Variants in RPH3A observed in about 807,000 individuals in gnomAD.
RPH3A encodes rabphilin 3A.
Under a neutral mutation model 102.2 loss-of-function variants are expected in RPH3A, and 48 were observed. That is an observed-to-expected ratio of 0.47 (90% CI 0.37 to 0.60). The LOEUF is 0.60. RPH3A is among the 20% of genes least tolerant of loss of function. The pLI is 0.00. For synonymous variants in RPH3A, 310 were observed against 324.3 expected (o/e 0.96, Z 0.47); for missense variants, 781 against 910.1 (o/e 0.86, Z 1.83).
intron 1 of RPH3A, among the ~76,000 whole-genome samples, chr12:112,606,571 G>A (rs1327649315): frequency 6.6e-6 from 1 of 152,036 alleles, no homozygotes; most frequent in African/African-American, 2.4e-5. Context: ...AGTGGAGATG[G>A]GATTTCACCA....
chr12:112,656,623 C>T (rs188140986), intron 1 of RPH3A, among the ~76,000 whole-genome samples: 13 of 152,240 alleles, frequency 8.5e-5, no homozygotes, highest in Non-Finnish European at 1.5e-5. Context: ...CTCTATATGT[C>T]CATTTGTACT....
intron 1 of RPH3A, among the ~76,000 whole-genome samples, chr12:112,706,087 C>G (rs1418658071): frequency 6.6e-6 from 1 of 152,174 alleles, no homozygotes; most frequent in African/African-American, 2.4e-5. Flanking sequence ...GATAAAATGA[C>G]AAAAGATACC....
At chr12:112,707,009 A>G (rs2040431297) in intron 1 of RPH3A, among the ~76,000 whole-genome samples, 1 of 152,172 alleles carries the variant, frequency 6.6e-6, no homozygotes, top group African/African-American at 2.4e-5. Flanking sequence ...GATTCTCTGC[A>G]AGGGCTTTGT....
chr12:112,880,941 C>T (rs1640096404), intron 14 of RPH3A, among the ~76,000 whole-genome samples: 1 of 152,100 alleles, frequency 6.6e-6, no homozygotes, highest in Non-Finnish European at 1.5e-5. Context: ...TCCTCATGGT[C>T]TTCATGTTGA....
At chr12:112,800,535 A>C (rs958188790) in intron 2 of RPH3A, among the ~76,000 whole-genome samples, 2 of 152,084 alleles carry the variant, frequency 1.3e-5, no homozygotes, top group African/African-American at 4.8e-5. Flanking sequence ...GACCTAATTT[A>C]CAATGTTAGT....
chr12:112,881,651 G>A lies in RPH3A; in HGVS notation c.1252-121G>A, dbSNP rs560441294. On this transcript the variant is annotated intron_variant, in intron 14 of 21. Transcript: ENST00000389385. ...GCATTTCCCTTCTCTCTCTTTGGAG[G>A]AGGAAGCACACAGCGTGGACCAACA... The A allele has an allele frequency of 8.4e-6, 5 of 594,166 alleles. No homozygotes were observed. The East Asian group carries it at 8.5e-5, about 10-fold the overall frequency. 36.8% of individuals were successfully genotyped at this position (594,166 alleles called of 1,614,324 possible). A position where few individuals can be genotyped will look rare whatever the true frequency, so the allele number is the denominator to read the frequency against.
chr12:112,862,535 AG>A (rs750170059), intron 5 of RPH3A, among the ~76,000 whole-genome samples: 30 of 152,298 alleles, frequency 2.0e-4, no homozygotes, highest in Non-Finnish European at 3.8e-4. Flanking sequence ...ATGGACTGGG[AG>A]CTTGTTCCTG....
intron 1 of RPH3A, among the ~76,000 whole-genome samples, chr12:112,695,515 T>TA (rs2040343848): frequency 1.3e-5 from 2 of 152,206 alleles, no homozygotes; most frequent in Non-Finnish European, 2.9e-5. Context: ...CGATTTTGAG[T>TA]GAAAGGAACA....
In RPH3A at chr12:112,644,307, T is replaced by C. The variant is rs547154570; in HGVS notation, c.-140+68988T>C. Among the ~76,000 whole-genome samples, 4 of 152,302 alleles carry C rather than the reference T, an allele frequency of 2.6e-5. No individual in the cohort carries two copies. In the South Asian group the frequency reaches 8.3e-4, roughly 32 times the overall value. ...CTAAATCTATAAATAAAATGAAAGATATTGTTCAGATTGAGCCTGTTTGCA... is the reference window on the plus strand; with the variant it reads ...CTAAATCTATAAATAAAATGAAAGACATTGTTCAGATTGAGCCTGTTTGCA... On this transcript the variant is annotated intron_variant, in intron 1 of 21. Transcript: ENST00000543106.
At chr12:112,874,947 G>T in intron 10 of RPH3A, 137 bp from the exon 11 acceptor site, 1 of 629,104 alleles carries the variant, frequency 1.6e-6, no homozygotes, top group South Asian at 2.0e-5. Flanking sequence ...GAGTCAGAAA[G>T]AGCTGAGCGA....
intron 5 of RPH3A, among the ~76,000 whole-genome samples, chr12:112,864,603 GA>G (rs2042576704): frequency 1.3e-5 from 2 of 152,196 alleles, no homozygotes; most frequent in Non-Finnish European, 2.9e-5. Context: ...AACTGAAACT[GA>G]AAGATCAGTG....
At chr12:112,694,744 TTAGA>T (rs1179258681) in intron 1 of RPH3A, among the ~76,000 whole-genome samples, 2 of 152,208 alleles carry the variant, frequency 1.3e-5, no homozygotes, top group Non-Finnish European at 2.9e-5. Flanking sequence ...TGAAGCTCTC[TTAGA>T]TAATTACTTT....
chr12:112,725,078 G>A (rs1238167969), intron 1 of RPH3A, among the ~76,000 whole-genome samples: 8 of 151,494 alleles, frequency 5.3e-5, no homozygotes, highest in African/African-American at 1.5e-4. Context: ...GTGAAACCCC[G>A]TCTCTACTAA....
At chr12:112,878,274 G>A (rs997987620) in intron 13 of RPH3A, among the ~76,000 whole-genome samples, 10 of 152,010 alleles carry the variant, frequency 6.6e-5, no homozygotes, top group East Asian at 3.8e-4. Flanking sequence ...TCCTTCCATC[G>A]GCCTTAAATG....
rs1328130431 is a variant in RPH3A, at chr12:112,881,692, A to G, written c.1252-80A>G. ...TGGACCAACAGGCAGGACAGATGCCAGGGGCTATGCCCATTGCCGATGACA... is the reference window on the plus strand; with the variant it reads ...TGGACCAACAGGCAGGACAGATGCCGGGGGCTATGCCCATTGCCGATGACA... On this transcript the variant is annotated intron_variant, in intron 14 of 21. Coordinates refer to ENST00000389385, the MANE Select transcript of RPH3A (RefSeq NM_001143854.2). 9.3e-6 allele frequency: 9 copies of G among 968,034 alleles called. No homozygotes were observed. In the East Asian group the frequency reaches 2.3e-4, roughly 25 times the overall value. The allele number at this position is 968,034 out of a possible 1,614,324, so 60.0% of individuals were successfully genotyped here. A position where few individuals can be genotyped will look rare whatever the true frequency, so the allele number is the denominator to read the frequency against.
chr12:112,881,901 C>G (rs953294728), intron 15 of RPH3A, 55 bp downstream of exon 15: 31 of 1,430,766 alleles, frequency 2.2e-5, no homozygotes, highest in Non-Finnish European at 2.9e-6. Context: ...CTGGCAGATA[C>G]CCAGGGTTCT....
intron 14 of RPH3A, 120 bp downstream of exon 14, chr12:112,879,318 C>G: frequency 2.3e-6 from 2 of 860,204 alleles, no homozygotes; most frequent in Non-Finnish European, 3.6e-6. Context: ...ATGATAGTGA[C>G]GGTGATGAGA....
At chr12:112,627,318 T>G (rs906126574) in intron 1 of RPH3A, among the ~76,000 whole-genome samples, 1 of 149,980 alleles carries the variant, frequency 6.7e-6, no homozygotes, top group Non-Finnish European at 1.5e-5. Flanking sequence ...TTTTATGTAA[T>G]ATATAGTATT....
At chr12:112,652,850 G>A (rs1254129964) in intron 1 of RPH3A, among the ~76,000 whole-genome samples, 3 of 152,194 alleles carry the variant, frequency 2.0e-5, no homozygotes, top group Non-Finnish European at 4.4e-5. Flanking sequence ...TGATGGAGAT[G>A]TGCTCTGAGA....
Sources: allele counts gnomAD v4.1 joint callset (sites outside exome capture counted in the v4.1 genomes callset), GRCh38; gene constraint gnomAD v4.1.1; transcripts MANE v1.5; gene names NCBI Gene and HGNC (gene_info 2026-07-23, HGNC 2026-07-21).